The following EPHA5 variants were observed in gnomAD, a reference collection of about 807,000 sequenced individuals.
EPHA5 encodes ephrin type-A receptor 5.
In EPHA5, 60 loss-of-function variants were observed where a neutral mutation model predicts 105.0. That is an observed-to-expected ratio of 0.57 (90% CI 0.46 to 0.71). The LOEUF (loss-of-function observed/expected upper bound fraction) is 0.71. Ranked by LOEUF, EPHA5 falls within the 30% of genes least tolerant of loss-of-function variation. The pLI is 0.00. For missense variants in EPHA5, 1,218 were observed against 1,274.7 expected (o/e 0.96, Z 0.68); for synonymous variants, 513 against 449.1 (o/e 1.14, Z -1.80).
At chr4:65,386,681 A>T (rs950725025) in intron 8 of EPHA5, among the ~76,000 whole-genome samples, 6 of 151,996 alleles carry the variant, frequency 3.9e-5, no homozygotes, top group Non-Finnish European at 8.8e-5. Flanking sequence ...AATTGCTCAT[A>T]TAAATTTTAT....
intron 3 of EPHA5, among the ~76,000 whole-genome samples, chr4:65,594,678 G>A (rs557415018): frequency 6.6e-6 from 1 of 152,036 alleles, no homozygotes; most frequent in African/African-American, 2.4e-5. Context: ...CCAAGTCCCC[G>A]TATTTGTCCA....
intron 3 of EPHA5, among the ~76,000 whole-genome samples, chr4:65,528,850 G>A (rs1735491759): frequency 6.6e-6 from 1 of 152,016 alleles, no homozygotes; most frequent in African/African-American, 2.4e-5. Flanking sequence ...ATTAATGCTC[G>A]GAAATAATAT....
chr4:65,488,879 G>T (rs1731132576), intron 5 of EPHA5, among the ~76,000 whole-genome samples: 1 of 98,122 alleles, frequency 1.0e-5, no homozygotes, highest in Non-Finnish European at 2.1e-5. Context: ...GAACTCAGCT[G>T]CATGCATTTT....
chr4:65,470,898 A>T (rs181360375), intron 5 of EPHA5, among the ~76,000 whole-genome samples: 1 of 152,238 alleles, frequency 6.6e-6, no homozygotes, highest in Non-Finnish European at 1.5e-5. Context: ...CAATATTGAA[A>T]CCCTAAATTA....
At chr4:65,348,007 A>G (rs1411718648) in intron 14 of EPHA5, 47 bp downstream of exon 14, 20 of 1,506,400 alleles carry the variant, frequency 1.3e-5, no homozygotes, top group Non-Finnish European at 1.8e-5. Context: ...GACTCAGAGA[A>G]CAAAGCATTT....
At chr4:65,600,803 T>C (rs1743645250) in intron 3 of EPHA5, among the ~76,000 whole-genome samples, 2 of 152,126 alleles carry the variant, frequency 1.3e-5, no homozygotes, top group Admixed American at 1.3e-4. Context: ...CATAAACTGC[T>C]CTTCGTTTTG....
At chr4:65,634,588 T>C (rs912577971) in intron 2 of EPHA5, among the ~76,000 whole-genome samples, 19 of 152,084 alleles carry the variant, frequency 1.2e-4, no homozygotes, top group Non-Finnish European at 2.6e-4. Flanking sequence ...GGTATGCTTT[T>C]TATTTTTCTA....
intron 16 of EPHA5, among the ~76,000 whole-genome samples, chr4:65,324,602 C>T (rs1241921102): frequency 6.6e-6 from 1 of 151,204 alleles, no homozygotes; most frequent in East Asian, 2.0e-4. Context: ...CTAAAAGAAG[C>T]TTGAAATAGA....
chr4:65,669,779 G>T lies in EPHA5; in HGVS notation c.-37C>A. The T allele has an allele frequency of 2.4e-6, 3 of 1,242,354 alleles. No homozygotes were observed. The highest frequency in any genetic ancestry group is 3.0e-6 in the Non-Finnish European group (3 of 993,036). The allele number at this position is 1,242,354 out of a possible 1,614,324, so 77.0% of individuals were successfully genotyped here. The stretch of plus-strand genomic sequence containing the variant: ...CTCCTCCGGTGCCGCTGTCCCGAGC[G>T]GCTCAGTCCACCGCTTCGGCCTCGC... On this transcript the variant is annotated 5_prime_UTR_variant, in exon 1 of 17. Transcript: ENST00000613740.
chr4:65,421,110 T>A (rs1380023126), intron 5 of EPHA5, among the ~76,000 whole-genome samples: 1 of 152,066 alleles, frequency 6.6e-6, no homozygotes, highest in African/African-American at 2.4e-5. Flanking sequence ...TAAAATAAAC[T>A]TTTTTTATTC....
chr4:65,414,153 G>A (rs1056505018), intron 7 of EPHA5, 131 bp downstream of exon 7: 2 of 791,086 alleles, frequency 2.5e-6, no homozygotes, highest in African/African-American at 1.7e-5. Context: ...CTTCCTACCT[G>A]AAGGGGTCAT....
At chr4:65,603,978 A>G (rs972772401) in intron 2 of EPHA5, among the ~76,000 whole-genome samples, 7 of 152,168 alleles carry the variant, frequency 4.6e-5, no homozygotes, top group Non-Finnish European at 8.8e-5. Flanking sequence ...CAACTAACCA[A>G]ATAAAATGGT....
intron 5 of EPHA5, among the ~76,000 whole-genome samples, chr4:65,461,942 A>G (rs75061654): frequency 3.9e-5 from 6 of 152,080 alleles, no homozygotes; most frequent in African/African-American, 1.4e-4. Context: ...ATTGATATTG[A>G]ATCATTATGC....
intron 4 of EPHA5, among the ~76,000 whole-genome samples, chr4:65,493,397 A>G (rs1731611512): frequency 6.6e-6 from 1 of 151,972 alleles, no homozygotes; most frequent in South Asian, 2.1e-4. Flanking sequence ...ATATTCTAGA[A>G]AAAAAATTTG....
intron 11 of EPHA5, among the ~76,000 whole-genome samples, chr4:65,358,975 T>G (rs1723567659): frequency 6.6e-6 from 1 of 151,590 alleles, no homozygotes; most frequent in African/African-American, 2.4e-5. Context: ...ATACAGTAAT[T>G]ATGGAGTCAG....
intron 3 of EPHA5, among the ~76,000 whole-genome samples, chr4:65,580,972 T>C (rs1741561861): frequency 6.6e-6 from 1 of 151,836 alleles, no homozygotes; most frequent in Non-Finnish European, 1.5e-5. Context: ...CAGGTTTTCT[T>C]TCCAGTTTAA....
At chr4:65,586,003 C>A (rs1370785005) in intron 3 of EPHA5, among the ~76,000 whole-genome samples, 1 of 148,860 alleles carries the variant, frequency 6.7e-6, no homozygotes, top group African/African-American at 2.5e-5. Context: ...AGAGAAAAAA[C>A]AAAAATAGGA....
At chr4:65,451,486 A>G (rs1331845688) in intron 5 of EPHA5, among the ~76,000 whole-genome samples, 1 of 152,182 alleles carries the variant, frequency 6.6e-6, no homozygotes, top group Non-Finnish European at 1.5e-5. Flanking sequence ...AAATAGAATT[A>G]ATAAACATAG....
intron 5 of EPHA5, among the ~76,000 whole-genome samples, chr4:65,458,197 T>G (rs951365372): frequency 6.6e-5 from 10 of 152,158 alleles, no homozygotes; most frequent in Non-Finnish European, 1.2e-4. Context: ...TTTGCACTTA[T>G]TTTATCTCAA....
Sources: allele counts gnomAD v4.1 joint callset (sites outside exome capture counted in the v4.1 genomes callset), GRCh38; gene constraint gnomAD v4.1.1; transcripts MANE v1.5; gene names NCBI Gene and HGNC (gene_info 2026-07-23, HGNC 2026-07-21).